ALG13: variants seen among roughly 807,000 people sequenced by gnomAD.
ALG13 encodes the protein ALG13 UDP-N-acetylglucosaminyltransferase subunit, also known as UDP-N-acetylglucosamine transferase subunit ALG13.
Under a neutral mutation model 87.8 loss-of-function variants are expected in ALG13, and 11 were observed. That is an observed-to-expected ratio of 0.13 (90% CI 0.08 to 0.21). The LOEUF (loss-of-function observed/expected upper bound fraction) is 0.21. ALG13 is among the 10% of genes least tolerant of loss of function. The pLI is 1.00. For missense variants in ALG13, 756 were observed against 866.1 expected, an observed-to-expected ratio of 0.87 and a Z score of 1.60; for synonymous variants, 320 against 306.3, an observed-to-expected ratio of 1.04 and a Z score of -0.47.
chrX:111,684,961 G>T lies in ALG13; in HGVS notation c.245-4G>T, dbSNP rs761270344. ...TGTTGAACAAATTTGATTTATATTT[G>T]TAGGTGCAGGAAGCTGTTTGGAGAC... On this transcript the variant is annotated splice_polypyrimidine_tract_variant and splice_region_variant and intron_variant, in intron 2 of 26. Coordinates refer to ENST00000394780, the MANE Select transcript of ALG13 (RefSeq NM_001099922.3). The T allele has an allele frequency of 1.7e-6, 2 of 1,194,275 alleles. No homozygotes were observed. Among genetic ancestry groups the T allele is most frequent in the South Asian group, 3.7e-5 (2 of 53,869 alleles).
intron 13 of ALG13, among the ~76,000 whole-genome samples, chrX:111,723,103 A>G (rs905891407): frequency 9.1e-6 from 1 of 109,380 alleles, no homozygotes; most frequent in Non-Finnish European, 1.9e-5. Context: ...CTACAGGCAC[A>G]TACCACCATG....
chrX:111,713,154 G>C, intron 7 of ALG13, 71 bp from the exon 8 acceptor site: 1 of 656,651 alleles, frequency 1.5e-6, no homozygotes. Flanking sequence ...AGCACAAATA[G>C]TTGTTCCTAT....
At chrX:111,741,874 A>G (rs1943776020) in intron 23 of ALG13, among the ~76,000 whole-genome samples, 1 of 111,157 alleles carries the variant, frequency 9.0e-6, no homozygotes, top group Non-Finnish European at 1.9e-5. Context: ...AATGTTAATG[A>G]TGATATATTT....
intron 25 of ALG13, chrX:111,757,296 T>A (rs1174270478): frequency 4.6e-6 from 1 of 217,705 alleles, no homozygotes; most frequent in African/African-American, 2.9e-5. Context: ...ATGTGCAATG[T>A]TTTTTGCTTT....
intron 3 of ALG13, among the ~76,000 whole-genome samples, chrX:111,694,076 C>T (rs950003620): frequency 9.1e-6 from 1 of 109,581 alleles, no homozygotes; most frequent in African/African-American, 3.3e-5. Flanking sequence ...CAAAGTCTCG[C>T]TCTGTCGCCC....
At chrX:111,757,496 T>TA in intron 25 of ALG13, 92 bp from the exon 26 acceptor site, 1 of 508,648 alleles carries the variant, frequency 2.0e-6, no homozygotes, top group Non-Finnish European at 2.7e-6. Flanking sequence ...AATTCTTATT[T>TA]TTTTTTTTTT....
At chrX:111,741,179 A>G (rs1051756258) in intron 23 of ALG13, among the ~76,000 whole-genome samples, 7 of 111,927 alleles carry the variant, frequency 6.3e-5, no homozygotes, top group African/African-American at 2.3e-4. Context: ...TGAGTATGTA[A>G]TCTGCAAAAT....
At chrX:111,728,981 A>G (rs1942380598) in intron 19 of ALG13, among the ~76,000 whole-genome samples, 2 of 111,742 alleles carry the variant, frequency 1.8e-5, no homozygotes. Context: ...TCAGCTATTT[A>G]AAGAATACAA....
chrX:111,701,109 C>T (rs1937788778), intron 3 of ALG13, among the ~76,000 whole-genome samples: 2 of 111,422 alleles, frequency 1.8e-5, no homozygotes, highest in Admixed American at 9.5e-5. Context: ...TGGAATATAG[C>T]TTGCTAGGGT....
intron 24 of ALG13, among the ~76,000 whole-genome samples, chrX:111,752,210 C>A (rs1377541568): frequency 9.0e-6 from 1 of 111,230 alleles, no homozygotes; most frequent in Non-Finnish European, 1.9e-5. Context: ...TGGATTCTTC[C>A]TAAATATTAC....
At chrX:111,723,306 T>C (rs1187140597) in intron 13 of ALG13, among the ~76,000 whole-genome samples, 1 of 109,234 alleles carries the variant, frequency 9.2e-6, no homozygotes, top group Non-Finnish European at 1.9e-5. Flanking sequence ...CCATGCCTAA[T>C]TTTTTGTATT....
intron 4 of ALG13, among the ~76,000 whole-genome samples, chrX:111,708,736 A>T (rs1939207204): frequency 8.9e-6 from 1 of 112,105 alleles, no homozygotes; most frequent in African/African-American, 3.2e-5. Context: ...GAAAAAAATT[A>T]TAGGCTGTGC....
intron 3 of ALG13, among the ~76,000 whole-genome samples, chrX:111,705,128 A>C (rs1938507653): frequency 9.0e-6 from 1 of 111,643 alleles, no homozygotes; most frequent in Non-Finnish European, 1.9e-5. Flanking sequence ...CAGTTTCTCC[A>C]ATCCTTGTTA....
At chrX:111,755,881 G>A (rs1175765937) in intron 25 of ALG13, among the ~76,000 whole-genome samples, 1 of 112,464 alleles carries the variant, frequency 8.9e-6, no homozygotes, top group East Asian at 2.8e-4. Flanking sequence ...GATCTAGAAT[G>A]AGGAATACAA....
At chrX:111,738,537 G>A (rs1054956792) in intron 23 of ALG13, among the ~76,000 whole-genome samples, 1 of 111,558 alleles carries the variant, frequency 9.0e-6, no homozygotes, top group African/African-American at 3.3e-5. Context: ...AGTGCTTTAG[G>A]CTTTAAATTT....
intron 3 of ALG13, among the ~76,000 whole-genome samples, chrX:111,697,357 G>A: frequency 9.0e-6 from 1 of 111,407 alleles, no homozygotes. Flanking sequence ...CTCTTTTTAG[G>A]AATATGTTGT....
chrX:111,753,679 A>C (rs1170001835), intron 25 of ALG13, among the ~76,000 whole-genome samples: 5 of 112,130 alleles, frequency 4.5e-5, no homozygotes, highest in African/African-American at 1.6e-4. Flanking sequence ...TCTAGAAGAA[A>C]TGGATAAATT....
intron 10 of ALG13, among the ~76,000 whole-genome samples, 188 bp downstream of exon 10, chrX:111,718,462 T>C (rs190151848): frequency 3.7e-4 from 41 of 111,305 alleles, no homozygotes; most frequent in African/African-American, 1.3e-3. Context: ...ATGCCCAGAC[T>C]TGGGGGTTTT....
intron 11 of ALG13, 86 bp downstream of exon 11, chrX:111,720,256 C>T (rs1047709302): frequency 1.5e-5 from 9 of 611,464 alleles, no homozygotes; most frequent in Non-Finnish European, 2.2e-5. Flanking sequence ...ATATTATATT[C>T]TAGTTATATG....
Sources: gnomAD v4.1 joint callset for allele counts (sites outside exome capture counted in the v4.1 genomes callset) on GRCh38, gnomAD v4.1.1 for gene constraint, MANE v1.5 for transcripts, NCBI Gene and HGNC (gene_info 2026-07-23, HGNC 2026-07-21) for gene names.